The following P3H2 variants were observed in gnomAD, a reference collection of about 807,000 sequenced individuals.
P3H2 encodes prolyl 3-hydroxylase 2, also known as leprecan-like 1.
P3H2 carries 80 observed loss-of-function variants against 87.0 expected under a neutral mutation model. The observed-to-expected ratio is 0.92, with a 90% confidence interval of 0.77 to 1.11. The LOEUF is 1.11. P3H2 is among the 50% of genes least tolerant of loss of function. The probability of loss-of-function intolerance (pLI) is 0.00; values close to 1 mark genes in which losing one functional copy is unlikely to be tolerated. For missense variants in P3H2, 1,001 were observed against 923.9 expected, an observed-to-expected ratio of 1.08 and a Z score of -1.08; for synonymous variants, 367 against 359.3, an observed-to-expected ratio of 1.02 and a Z score of -0.24.
intron 1 of P3H2, among the ~76,000 whole-genome samples, chr3:190,056,356 G>A (rs961190989): frequency 1.6e-4 from 25 of 152,124 alleles, no homozygotes; most frequent in African/African-American, 5.6e-4. Flanking sequence ...AGTTCCCTAC[G>A]GTCATGAGGG....
intron 1 of P3H2, among the ~76,000 whole-genome samples, chr3:190,001,044 C>T (rs948733178): frequency 1.3e-5 from 2 of 152,172 alleles, no homozygotes; most frequent in Non-Finnish European, 2.9e-5. Flanking sequence ...TGCCTCGATT[C>T]CTTTCTCTTC....
At chr3:189,969,665 G>C (rs895381481) in intron 13 of P3H2, 2 of 1,222,324 alleles carry the variant, frequency 1.6e-6, no homozygotes, top group African/African-American at 3.0e-5. Flanking sequence ...AGCCAGGATG[G>C]TGTGCTGCCT....
intron 1 of P3H2, among the ~76,000 whole-genome samples, chr3:190,089,485 C>T (rs1727341505): frequency 6.6e-6 from 1 of 152,186 alleles, no homozygotes; most frequent in Non-Finnish European, 1.5e-5. Flanking sequence ...CAGAGACTAG[C>T]TCATTAAAAA....
At chr3:190,039,933 C>T (rs1484156393) in intron 1 of P3H2, among the ~76,000 whole-genome samples, 2 of 152,100 alleles carry the variant, frequency 1.3e-5, no homozygotes, top group Non-Finnish European at 2.9e-5. Flanking sequence ...TATTTACTTT[C>T]TATGATATTC....
chr3:190,017,776 T>C (rs935572641), intron 1 of P3H2, among the ~76,000 whole-genome samples: 3 of 152,194 alleles, frequency 2.0e-5, no homozygotes, highest in African/African-American at 4.8e-5. Context: ...TCCTGAAAGG[T>C]TTTTCTCTTT....
intron 14 of P3H2, among the ~76,000 whole-genome samples, chr3:189,959,211 T>G (rs1722731157): frequency 7.5e-6 from 1 of 134,070 alleles, no homozygotes; most frequent in Non-Finnish European, 1.6e-5. Flanking sequence ...TATAAGAAGT[T>G]GCTTTACACC....
chr3:190,064,113 T>C (rs1726419743), intron 1 of P3H2, among the ~76,000 whole-genome samples: 1 of 149,848 alleles, frequency 6.7e-6, no homozygotes, highest in Admixed American at 6.7e-5. Context: ...TGCCTCAGCC[T>C]CCCAAGTAAC....
chr3:190,041,274 T>TAAAA (rs67754532), intron 1 of P3H2, among the ~76,000 whole-genome samples: 4 of 117,772 alleles, frequency 3.4e-5, no homozygotes, highest in African/African-American at 1.3e-4. Flanking sequence ...TAACCTGTCT[T>TAAAA]AAAAAAAAAA....
chr3:190,023,039 G>A (rs1037121543), intron 1 of P3H2, among the ~76,000 whole-genome samples: 5 of 151,708 alleles, frequency 3.3e-5, no homozygotes, highest in Non-Finnish European at 7.4e-5. Flanking sequence ...TGTTAGCCAG[G>A]ATGGTCTCGA....
intron 1 of P3H2, among the ~76,000 whole-genome samples, chr3:190,046,295 A>C (rs1725802186): frequency 6.6e-6 from 1 of 152,170 alleles, no homozygotes; most frequent in Non-Finnish European, 1.5e-5. Context: ...ACAAGATATC[A>C]CACTTATTTT....
At chr3:190,047,298 T>C (rs1318051949) in intron 1 of P3H2, among the ~76,000 whole-genome samples, 1 of 152,198 alleles carries the variant, frequency 6.6e-6, no homozygotes, top group Admixed American at 6.5e-5. Flanking sequence ...GCAGCCACTA[T>C]GGAAACCAAT....
chr3:190,014,700 C>T (rs2108936725), intron 1 of P3H2, among the ~76,000 whole-genome samples: 1 of 152,206 alleles, frequency 6.6e-6, no homozygotes. Context: ...GTCTTCTTTG[C>T]CGCTCTTGGT....
chr3:190,035,782 C>T (rs1725400271), intron 1 of P3H2, among the ~76,000 whole-genome samples: 1 of 152,078 alleles, frequency 6.6e-6, no homozygotes, highest in Admixed American at 6.6e-5. Flanking sequence ...GGGCTTTAGG[C>T]TGCTTGGGGG....
intron 8 of P3H2, among the ~76,000 whole-genome samples, chr3:189,977,449 A>T (rs1270720059): frequency 2.0e-5 from 3 of 152,224 alleles, no homozygotes; most frequent in Non-Finnish European, 4.4e-5. Flanking sequence ...GCCCTGGTCA[A>T]CAACTTGACT....
chr3:190,007,621 A>C (rs1724427883), intron 1 of P3H2, among the ~76,000 whole-genome samples: 1 of 152,184 alleles, frequency 6.6e-6, no homozygotes, highest in Admixed American at 6.5e-5. Context: ...TATTATTATA[A>C]ATAAGTTAGA....
At chr3:190,052,677 ATG>A (rs373010894) in intron 1 of P3H2, among the ~76,000 whole-genome samples, 80 of 151,082 alleles carry the variant, frequency 5.3e-4, no homozygotes, top group East Asian at 1.4e-3. Flanking sequence ...ATACATATAA[ATG>A]TGTGTGTGTG....
intron 11 of P3H2, 21 bp from the exon 12 acceptor site, chr3:189,972,028 G>A (rs1337129440): frequency 2.1e-6 from 3 of 1,433,946 alleles, no homozygotes; most frequent in South Asian, 1.1e-5. Context: ...AGGGAATAGG[G>A]AAGAACGAGA....
At chr3:190,059,864 T>G (rs1164224560) in intron 1 of P3H2, among the ~76,000 whole-genome samples, 2 of 152,170 alleles carry the variant, frequency 1.3e-5, no homozygotes, top group Non-Finnish European at 2.9e-5. Context: ...TGAAGATTCC[T>G]TCTCGTCATC....
intron 1 of P3H2, among the ~76,000 whole-genome samples, chr3:190,090,485 C>T (rs1727372437): frequency 6.6e-6 from 1 of 152,036 alleles, no homozygotes; most frequent in African/African-American, 2.4e-5. Flanking sequence ...GGGTGGATCA[C>T]GAGGTCAGGA....
Sources: gnomAD v4.1 joint callset for allele counts (sites outside exome capture counted in the v4.1 genomes callset) on GRCh38, gnomAD v4.1.1 for gene constraint, MANE v1.5 for transcripts, NCBI Gene and HGNC (gene_info 2026-07-23, HGNC 2026-07-21) for gene names.